Variants in DGLUCY observed in about 807,000 individuals in gnomAD.
The protein encoded by DGLUCY is D-glutamate cyclase.
A neutral mutation model predicts 58.5 loss-of-function variants in DGLUCY; 58 were observed. That is an observed-to-expected ratio of 0.99 (90% CI 0.80 to 1.23). The LOEUF (loss-of-function observed/expected upper bound fraction) is 1.23. Ranked by LOEUF, DGLUCY falls within the 50% of genes most tolerant of loss-of-function variation. The probability of loss-of-function intolerance (pLI) is 0.00; values close to 1 mark genes in which losing one functional copy is unlikely to be tolerated. For missense variants in DGLUCY, 779 were observed against 784.7 expected (o/e 0.99, Z 0.09); for synonymous variants, 325 against 314.1 (o/e 1.03, Z -0.37).
At chr14:91,092,725 A>G (rs1297649558) in intron 1 of DGLUCY, among the ~76,000 whole-genome samples, 2 of 152,198 alleles carry the variant, frequency 1.3e-5, no homozygotes, top group Non-Finnish European at 2.9e-5. Flanking sequence ...ATGCAATTCA[A>G]CATAATCCTT....
At chr14:91,096,140 A>C (rs948399178) in intron 1 of DGLUCY, among the ~76,000 whole-genome samples, 8 of 152,100 alleles carry the variant, frequency 5.3e-5, no homozygotes, top group African/African-American at 1.4e-4. Context: ...GGCCAATTGA[A>C]CCAGTAGGGA....
chr14:91,209,999 C>T (rs999674406), intron 12 of DGLUCY, among the ~76,000 whole-genome samples: 3 of 151,906 alleles, frequency 2.0e-5, no homozygotes, highest in Non-Finnish European at 4.4e-5. Flanking sequence ...AGACATAATA[C>T]GCCAGGCACA....
In DGLUCY at chr14:91,169,648, G is replaced by A. The variant is rs182460632; in HGVS notation, c.258-355G>A. Among the ~76,000 whole-genome samples the A allele has an allele frequency of 3.5e-3, 534 of 151,722 alleles. 5 individuals are homozygous for A. Among genetic ancestry groups the A allele is most frequent in the African/African-American group, 0.012 (515 of 41,384 alleles). Reference sequence around the variant, plus strand: ...TTGTCTTGAACTCCGGAGTTCAAGTGATCTGCCCGCCTCGGCCTCCCAAAG... The same window carrying A: ...TTGTCTTGAACTCCGGAGTTCAAGTAATCTGCCCGCCTCGGCCTCCCAAAG... On this transcript the variant is annotated intron_variant, in intron 4 of 13. Transcript: ENST00000256324.
intron 1 of DGLUCY, among the ~76,000 whole-genome samples, chr14:91,065,517 A>G (rs2043805629): frequency 6.6e-6 from 1 of 152,076 alleles, no homozygotes; most frequent in South Asian, 2.1e-4. Context: ...CAACAAAACA[A>G]AACAAAAATC....
intron 1 of DGLUCY, among the ~76,000 whole-genome samples, chr14:91,116,099 C>G (rs1773978944): frequency 6.6e-6 from 1 of 152,148 alleles, no homozygotes; most frequent in African/African-American, 2.4e-5. Flanking sequence ...ATGGCAGATA[C>G]ACAAAACCAA....
At chr14:91,167,099 A>C in intron 3 of DGLUCY, 126 bp from the exon 4 acceptor site, 3 of 1,234,770 alleles carry the variant, frequency 2.4e-6, no homozygotes, top group Middle Eastern at 5.9e-4. Context: ...AGATTGTGCC[A>C]TTGCACTCCA....
intron 1 of DGLUCY, among the ~76,000 whole-genome samples, chr14:91,142,688 GT>G (rs1272724721): frequency 6.6e-6 from 1 of 151,958 alleles, no homozygotes; most frequent in African/African-American, 2.4e-5. Context: ...GCTGGCCACG[GT>G]GGCTTATGCC....
At chr14:91,137,912 C>A (rs552048496) in intron 1 of DGLUCY, among the ~76,000 whole-genome samples, 7 of 152,030 alleles carry the variant, frequency 4.6e-5, no homozygotes, top group Non-Finnish European at 7.4e-5. Context: ...TCTGAGCCCC[C>A]CAATGTCCTT....
chr14:91,088,048 G>A (rs551213279), intron 1 of DGLUCY, among the ~76,000 whole-genome samples: 1 of 152,254 alleles, frequency 6.6e-6, no homozygotes, highest in Admixed American at 6.5e-5. Context: ...CAAGGAGGAG[G>A]AGGAGCTGGG....
At chr14:91,095,896 G>A (rs1248547817) in intron 1 of DGLUCY, among the ~76,000 whole-genome samples, 1 of 151,524 alleles carries the variant, frequency 6.6e-6, no homozygotes, top group Non-Finnish European at 1.5e-5. Flanking sequence ...GTGTCCCACC[G>A]CATGCAGAGT....
Position 91,157,270 on chromosome 14 carries a change from G to GATGT in DGLUCY, c.-81-366_-81-365insTATG, listed in dbSNP as rs1380678751. On this transcript the variant is annotated intron_variant, in intron 1 of 13. Transcript: ENST00000256324. ...GGATGGATGGATGAATGAATGGGTG[G>GATGT]ATGGATGGATGGGTGGGTGGATAGA... Among the ~76,000 whole-genome samples the GATGT allele has an allele frequency of 7.5e-3, 1,126 of 150,860 alleles. 29 individuals are homozygous for GATGT. The highest frequency in any genetic ancestry group is 0.026 in the African/African-American group (1,047 of 40,902).
intron 1 of DGLUCY, among the ~76,000 whole-genome samples, chr14:91,095,424 A>G (rs902840617): frequency 1.3e-5 from 2 of 152,156 alleles, no homozygotes; most frequent in African/African-American, 4.8e-5. Context: ...GGCTAAGAAT[A>G]AGGGTGCTTG....
At chr14:91,191,148 TGAC>T (rs918566596) in intron 9 of DGLUCY, among the ~76,000 whole-genome samples, 4 of 152,144 alleles carry the variant, frequency 2.6e-5, no homozygotes, top group Non-Finnish European at 4.4e-5. Flanking sequence ...GAGGTGTAAG[TGAC>T]ACATGCTACA....
chr14:91,217,815 T>C (rs780354930), intron 13 of DGLUCY, among the ~76,000 whole-genome samples: 3 of 152,064 alleles, frequency 2.0e-5, no homozygotes, highest in African/African-American at 7.2e-5. Context: ...TCCTGTTTTC[T>C]TACACCCTGT....
Position 91,216,095 on chromosome 14 carries a change from G to A in DGLUCY, c.1716+539G>A, listed in dbSNP as rs567656800. ...CAAGTAGAAGGAGAGGAATCCCAGC[G>A]GGAGGAATGGGGGGAGCAGGGGCTT... On this transcript the variant is annotated intron_variant, in intron 13 of 13. Coordinates refer to ENST00000256324, the MANE Select transcript of DGLUCY (RefSeq NM_001102368.3). 133 of 225,062 alleles carry A rather than the reference G, an allele frequency of 5.9e-4. 1 individual carries two copies. In the Middle Eastern group the frequency reaches 0.015, roughly 25 times the overall value. 13.9% of individuals were successfully genotyped at this position (225,062 alleles called of 1,614,324 possible).
intron 10 of DGLUCY, among the ~76,000 whole-genome samples, chr14:91,198,718 C>T (rs2140569649): frequency 6.6e-6 from 1 of 152,242 alleles, no homozygotes; most frequent in African/African-American, 2.4e-5. Flanking sequence ...TCACTGTAAC[C>T]AACACTGACT....
At chr14:91,068,070 C>T (rs921036058) in intron 1 of DGLUCY, among the ~76,000 whole-genome samples, 2 of 57,332 alleles carry the variant, frequency 3.5e-5, no homozygotes, top group Admixed American at 4.2e-4. Context: ...CACACACACA[C>T]ACGCGCACGC....
chr14:91,196,285 A>G (rs944688997), intron 9 of DGLUCY, 90 bp from the exon 10 acceptor site: 18 of 928,970 alleles, frequency 1.9e-5, no homozygotes, highest in African/African-American at 4.9e-5. Flanking sequence ...CAGTAATGAT[A>G]CCCTTCAAAG....
intron 5 of DGLUCY, among the ~76,000 whole-genome samples, chr14:91,171,751 G>A (rs1430696043): frequency 2.6e-5 from 4 of 152,224 alleles, no homozygotes; most frequent in Non-Finnish European, 5.9e-5. Context: ...AGGAGGTGGG[G>A]TGGGGGAGCG....
Sources: allele counts gnomAD v4.1 joint callset (sites outside exome capture counted in the v4.1 genomes callset), GRCh38; gene constraint gnomAD v4.1.1; transcripts MANE v1.5; gene names NCBI Gene and HGNC (gene_info 2026-07-23, HGNC 2026-07-21).